Variants in GRM8 observed in about 807,000 individuals in gnomAD.
GRM8 encodes glutamate metabotropic receptor 8, also known as metabotropic glutamate receptor 8.
Under a neutral mutation model 87.2 loss-of-function variants are expected in GRM8, and 47 were observed. The ratio of observed to expected loss-of-function variants is 0.54; its 90% CI spans 0.43 to 0.69. GRM8 has a LOEUF of 0.69. Ranked by LOEUF, GRM8 falls within the 30% of genes least tolerant of loss-of-function variation. The probability of loss-of-function intolerance (pLI) is 0.00; values close to 1 mark genes in which losing one functional copy is unlikely to be tolerated. For missense variants in GRM8, 1,019 were observed against 1,139.2 expected, an observed-to-expected ratio of 0.89 and a Z score of 1.52; for synonymous variants, 396 against 404.5, an observed-to-expected ratio of 0.98 and a Z score of 0.25.
chr7:126,831,915 G>T (rs997891168), intron 6 of GRM8, among the ~76,000 whole-genome samples: 1 of 152,106 alleles, frequency 6.6e-6, no homozygotes, highest in African/African-American at 2.4e-5. Context: ...GAGCTGTTAA[G>T]CTTGTTTTCT....
In GRM8 at chr7:127,053,798, A is replaced by G. The variant is rs2402849; in HGVS notation, c.727+52698T>C. On this transcript the variant is annotated intron_variant, in intron 3 of 10. Transcript: ENST00000339582. ...GCGAGACTCTGTCTCAAAAAAAAAA[A>G]GGGGGGGGGGAATATACATTTCATC... Among the ~76,000 whole-genome samples, 1,042 of 104,378 alleles carry G rather than the reference A, an allele frequency of 1.0e-2. 27 individuals carry two copies. The highest frequency in any genetic ancestry group is 0.034 in the African/African-American group (898 of 26,346). The allele number at this position is 104,378 out of a possible 152,430, so 68.5% of individuals were successfully genotyped here. A position where few individuals can be genotyped will look rare whatever the true frequency, so the allele number is the denominator to read the frequency against.
At chr7:127,142,521 T>C (rs1037303521) in intron 2 of GRM8, among the ~76,000 whole-genome samples, 18 of 152,182 alleles carry the variant, frequency 1.2e-4, no homozygotes, top group African/African-American at 4.3e-4. Context: ...GTTCTCTCCC[T>C]CAATAAATGT....
chr7:127,148,281 C>T (rs1413480684), intron 2 of GRM8, among the ~76,000 whole-genome samples: 1 of 152,046 alleles, frequency 6.6e-6, no homozygotes, highest in East Asian at 1.9e-4. Flanking sequence ...GAGGACATGG[C>T]TATTGTAAAT....
rs191292186 is a variant in GRM8 at position 126,790,795 on chromosome 7, C to T, written c.1157-20730G>A. Among the ~76,000 whole-genome samples, 362 of 152,184 alleles carry T rather than the reference C, an allele frequency of 2.4e-3. 1 individual carries two copies. The highest frequency in any genetic ancestry group is 3.3e-3 in the Non-Finnish European group (223 of 67,986). On this transcript the variant is annotated intron_variant, in intron 6 of 10. Coordinates refer to ENST00000339582, the MANE Select transcript of GRM8 (RefSeq NM_000845.3). ...GAAGGTGAATGAGGAAGGGCAGCAG[C>T]GATGCTCCGTAAAGTGTGGATGCAG...
chr7:127,015,055 G>GAAAGA (rs1563413235), intron 3 of GRM8, among the ~76,000 whole-genome samples: 15 of 113,212 alleles, frequency 1.3e-4, no homozygotes, highest in Admixed American at 6.4e-4. Context: ...AGAAGAAGAA[G>GAAAGA]AAGAAGAAGA....
At chr7:127,107,123 CAT>C (rs1825885317) in intron 2 of GRM8, among the ~76,000 whole-genome samples, 1 of 152,136 alleles carries the variant, frequency 6.6e-6, no homozygotes, top group Admixed American at 6.6e-5. Flanking sequence ...CTTTATAGGA[CAT>C]AAATGCTATA....
intron 3 of GRM8, among the ~76,000 whole-genome samples, chr7:126,980,351 G>A (rs1330392052): frequency 2.6e-5 from 4 of 152,202 alleles, no homozygotes; most frequent in East Asian, 3.8e-4. Flanking sequence ...TTCAGTATTA[G>A]TTTGTATCAT....
At chr7:126,850,501 C>A (rs1379118736) in intron 6 of GRM8, among the ~76,000 whole-genome samples, 1 of 152,030 alleles carries the variant, frequency 6.6e-6, no homozygotes, top group African/African-American at 2.4e-5. Context: ...ACATAGGTAA[C>A]CATGATAGTT....
intron 7 of GRM8, among the ~76,000 whole-genome samples, chr7:126,644,117 T>A (rs3824014): frequency 0.44 from 67,656 of 152,184 alleles, 16,881 homozygotes; most frequent in South Asian, 0.62. Flanking sequence ...ATCTTGGATC[T>A]ATGTTGTGAT....
chr7:127,169,156 C>T (rs1338314009), intron 2 of GRM8, among the ~76,000 whole-genome samples: 2 of 151,378 alleles, frequency 1.3e-5, no homozygotes, highest in African/African-American at 2.4e-5. Context: ...AGCTAGGCCT[C>T]TTGCACTAAA....
At chr7:126,486,449 T>A (rs1807381941) in intron 9 of GRM8, among the ~76,000 whole-genome samples, 1 of 152,016 alleles carries the variant, frequency 6.6e-6, no homozygotes, top group East Asian at 1.9e-4. Flanking sequence ...TCAGCATATA[T>A]CCCTGTTCCA....
At chr7:126,558,507 C>A (rs1034989154) in intron 8 of GRM8, among the ~76,000 whole-genome samples, 2 of 152,078 alleles carry the variant, frequency 1.3e-5, no homozygotes, top group Non-Finnish European at 2.9e-5. Context: ...ATGCCAAAAT[C>A]CATGGATTCT....
intron 3 of GRM8, among the ~76,000 whole-genome samples, chr7:126,986,289 C>T (rs1159828122): frequency 6.6e-6 from 1 of 152,126 alleles, no homozygotes; most frequent in Non-Finnish European, 1.5e-5. Context: ...GGATTACAGG[C>T]TTGAGTCACC....
At chr7:126,531,208 T>A (rs540973728) in intron 9 of GRM8, among the ~76,000 whole-genome samples, 3 of 152,200 alleles carry the variant, frequency 2.0e-5, no homozygotes, top group African/African-American at 7.2e-5. Flanking sequence ...AAATTCAACA[T>A]TTCCATGACT....
intron 6 of GRM8, among the ~76,000 whole-genome samples, chr7:126,775,161 C>A (rs1296374529): frequency 2.6e-5 from 4 of 152,048 alleles, no homozygotes; most frequent in African/African-American, 4.8e-5. Flanking sequence ...AATTATGAAG[C>A]AACTATTTTA....
intron 3 of GRM8, among the ~76,000 whole-genome samples, chr7:126,956,510 G>C (rs1204571): frequency 6.6e-6 from 1 of 151,840 alleles, no homozygotes; most frequent in Non-Finnish European, 1.5e-5. Flanking sequence ...TATACTTTAA[G>C]TTTTAGGGTA....
intron 7 of GRM8, among the ~76,000 whole-genome samples, chr7:126,693,290 C>CT (rs1184017140): frequency 2.6e-5 from 4 of 152,068 alleles, no homozygotes; most frequent in African/African-American, 7.2e-5. Flanking sequence ...ATTAGAAATG[C>CT]TTTTTTCTGA....
chr7:127,142,928 A>C (rs1828357302), intron 2 of GRM8, among the ~76,000 whole-genome samples: 1 of 152,170 alleles, frequency 6.6e-6, no homozygotes, highest in Non-Finnish European at 1.5e-5. Flanking sequence ...AAAAATAAAT[A>C]ACCATTTGAA....
intron 7 of GRM8, among the ~76,000 whole-genome samples, chr7:126,633,592 T>G (rs1194584136): frequency 6.6e-6 from 1 of 152,164 alleles, no homozygotes; most frequent in African/African-American, 2.4e-5. Flanking sequence ...TTCATGACAC[T>G]GATATTCTTA....
Sources: gnomAD v4.1 joint callset for allele counts (sites outside exome capture counted in the v4.1 genomes callset) on GRCh38, gnomAD v4.1.1 for gene constraint, MANE v1.5 for transcripts, NCBI Gene and HGNC (gene_info 2026-07-23, HGNC 2026-07-21) for gene names.